The following ST8SIA1 variants were observed in gnomAD, a reference collection of about 807,000 sequenced individuals.
ST8SIA1 encodes the protein alpha-N-acetylneuraminide alpha-2,8-sialyltransferase.
Under a neutral mutation model 35.9 loss-of-function variants are expected in ST8SIA1, and 16 were observed. The observed-to-expected ratio is 0.45, with a 90% CI of 0.30 to 0.68. The LOEUF (loss-of-function observed/expected upper bound fraction) is 0.68. ST8SIA1 is among the 30% of genes least tolerant of loss of function. The pLI is 0.09. For missense variants in ST8SIA1, 383 were observed against 453.6 expected (o/e 0.84, Z 1.41); for synonymous variants, 170 against 169.6 (o/e 1.00, Z -0.02).
At chr12:22,324,289 A>C (rs1434423802) in intron 1 of ST8SIA1, 2 of 152,190 alleles carry the variant, frequency 1.3e-5, no homozygotes, top group African/African-American at 4.8e-5. Context: ...AAAGATTTTA[A>C]AAAAAGAACT....
chr12:22,332,143 A>G (rs1178413337), intron 1 of ST8SIA1, among the ~76,000 whole-genome samples: 1 of 152,180 alleles, frequency 6.6e-6, no homozygotes, highest in Non-Finnish European at 1.5e-5. Flanking sequence ...TGCCTTTTAC[A>G]TGGTTTTACA....
intron 1 of ST8SIA1, among the ~76,000 whole-genome samples, chr12:22,313,284 G>A (rs549825676): frequency 7.9e-5 from 12 of 152,134 alleles, no homozygotes; most frequent in Non-Finnish European, 1.3e-4. Context: ...GGCATTAGCA[G>A]CAGTAGTATT....
In ST8SIA1 at chr12:22,334,380, G is replaced by A. The variant is rs1357523794; in HGVS notation, c.-148C>T. On this transcript the variant is annotated 5_prime_UTR_variant, in exon 1 of 5. The change creates a new upstream start codon in the 5' untranslated region. Transcript: ENST00000396037. ...AACGCACGCACGCTTCTTCGGCCCC[G>A]TCGGCCCCAAAGGTCAGCGCAAGGA... 1.6e-5 allele frequency: 10 copies of A among 631,368 alleles called. No homozygotes were observed. The highest frequency in any genetic ancestry group is 7.4e-5 in the African/African-American group (4 of 54,316). The allele number at this position is 631,368 out of a possible 1,614,324, so 39.1% of individuals were successfully genotyped here. A position where few individuals can be genotyped will look rare whatever the true frequency, so the allele number is the denominator to read the frequency against.
chr12:22,201,573 G>T lies in ST8SIA1; in HGVS notation c.1050C>A (p.Thr350=). The T allele has an allele frequency of 6.2e-7, 1 of 1,611,070 alleles. No individual in the cohort carries two copies. Among genetic ancestry groups the T allele is most frequent in the Non-Finnish European group, 8.5e-7 (1 of 1,178,570 alleles). ...LRMQLDPCED[T]SLQPTS is the part of the protein sequence containing the mutation. Reference sequence around the variant, plus strand: ...GTTCCTAGGAAGTGGGCTGGAGTGAGGTATCTTCACATGGGTCCAGCTGCA... The same window carrying T: ...GTTCCTAGGAAGTGGGCTGGAGTGATGTATCTTCACATGGGTCCAGCTGCA... Residue 350 remains threonine (T), a synonymous_variant, in exon 5 of 5, where the codon ACC becomes ACA. Coordinates refer to ENST00000396037, the MANE Select transcript of ST8SIA1 (RefSeq NM_003034.4).
At chr12:22,228,322 T>G (rs1865380736) in intron 4 of ST8SIA1, among the ~76,000 whole-genome samples, 1 of 152,368 alleles carries the variant, frequency 6.6e-6, no homozygotes, top group Middle Eastern at 3.4e-3. Flanking sequence ...GTTTAGATTA[T>G]GACTCTCAAC....
At chr12:22,288,510 C>G (rs1866132609) in intron 1 of ST8SIA1, among the ~76,000 whole-genome samples, 1 of 152,200 alleles carries the variant, frequency 6.6e-6, no homozygotes, top group Non-Finnish European at 1.5e-5. Flanking sequence ...CAGGAATCAG[C>G]CTAGTCAGTA....
Position 22,193,703 on chromosome 12 carries a change from C to A in ST8SIA1, c.*7849G>T, listed in dbSNP as rs905781079. The A allele has an allele frequency of 1.3e-5, 2 of 152,168 alleles. No homozygotes were observed. The highest frequency in any genetic ancestry group is 2.4e-5 in the African/African-American group (1 of 41,448). The allele number at this position is 152,168 out of a possible 1,614,324, so 9.4% of individuals were successfully genotyped here. A position where few individuals can be genotyped will look rare whatever the true frequency, so the allele number is the denominator to read the frequency against. ...AACTCTACAAAAAGAATTGAGCACA[C>A]TGATTTTCTCCACACTTTTTGCCAA... On this transcript the variant is annotated 3_prime_UTR_variant, in exon 5 of 5. Coordinates refer to ENST00000396037, the MANE Select transcript of ST8SIA1 (RefSeq NM_003034.4).
intron 1 of ST8SIA1, among the ~76,000 whole-genome samples, chr12:22,288,474 T>C (rs1045954517): frequency 5.3e-5 from 8 of 152,210 alleles, no homozygotes; most frequent in African/African-American, 1.9e-4. Flanking sequence ...CTTCTTATTG[T>C]CACACCGTCC....
chr12:22,324,267 C>A (rs573737934), intron 1 of ST8SIA1: 5 of 151,694 alleles, frequency 3.3e-5, no homozygotes, highest in African/African-American at 1.2e-4. Flanking sequence ...ACTCAAGGAA[C>A]AAAAATTTTA....
Position 22,273,360 on chromosome 12 carries a change from C to A in ST8SIA1, c.381+13789G>T, listed in dbSNP as rs741370. On this transcript the variant is annotated intron_variant, in intron 2 of 4. Transcript: ENST00000396037. ...GCATCTTTGCTTTGACCTTTTTGCA[C>A]AGTCACAAATCAATCAATACAAGCT... Among the ~76,000 whole-genome samples, 57 of 152,206 alleles carry A rather than the reference C, an allele frequency of 3.7e-4. 2 individuals are homozygous for A. Among genetic ancestry groups the A allele is most frequent in the African/African-American group, 1.4e-3 (57 of 41,520 alleles).
At chr12:22,285,877 C>CAAAAAAAAAAAAAAAAAAAA (rs1398352110) in intron 2 of ST8SIA1, among the ~76,000 whole-genome samples, 2 of 103,624 alleles carry the variant, frequency 1.9e-5, no homozygotes, top group Admixed American at 1.1e-4. Context: ...CTGTCAAAAA[C>CAAAAAAAAAAAAAAAAAAAA]AAAAAAAAAA....
intron 2 of ST8SIA1, among the ~76,000 whole-genome samples, chr12:22,282,516 CCTT>C (rs1215323995): frequency 2.0e-4 from 30 of 152,290 alleles, no homozygotes; most frequent in Admixed American, 1.7e-3. Context: ...TCTGTTTACT[CCTT>C]CTTTTTGCTG....
chr12:22,212,007 G>A (rs1007173914), intron 4 of ST8SIA1, among the ~76,000 whole-genome samples: 1 of 152,030 alleles, frequency 6.6e-6, no homozygotes, highest in Admixed American at 6.6e-5. Flanking sequence ...CACTGCACCC[G>A]GCCCTAACTT....
intron 1 of ST8SIA1, among the ~76,000 whole-genome samples, chr12:22,311,150 G>A (rs942908353): frequency 6.6e-6 from 1 of 152,162 alleles, no homozygotes; most frequent in Admixed American, 6.5e-5. Context: ...ATTATGCACT[G>A]AGTGTGTGTC....
At chr12:22,287,324 A>G (rs759610813) in intron 1 of ST8SIA1, 31 bp from the exon 2 acceptor site, 2 of 1,600,860 alleles carry the variant, frequency 1.2e-6, no homozygotes, top group Non-Finnish European at 1.7e-6. Flanking sequence ...AGAGAAAAGA[A>G]CAGCAGGTTA....
intron 2 of ST8SIA1, among the ~76,000 whole-genome samples, chr12:22,285,800 G>C (rs531852424): frequency 6.8e-6 from 1 of 146,948 alleles, no homozygotes; most frequent in Non-Finnish European, 1.5e-5. Context: ...AACCTGAAAG[G>C]TGGAGGTTGC....
At position 22,255,315 on chromosome 12, in the gene ST8SIA1, A is replaced by G; in HGVS notation, c.456T>C (p.Cys152=). Residue 152 remains cysteine (C), a synonymous_variant, in exon 3 of 5, where the codon TGT becomes TGC. Transcript: ENST00000396037. The stretch of plus-strand genomic sequence containing the variant: ...AATTTGCTTCATCTATTTGACGGCC[A>G]CAGCCACTCTTCTTCAGAATCCCAC... ...GNGGILKKSG[C]GRQIDEANFV... The G allele has an allele frequency of 6.2e-7, 1 of 1,613,838 alleles. No homozygotes were observed. The highest frequency in any genetic ancestry group is 8.5e-7 in the Non-Finnish European group (1 of 1,180,002).
intron 2 of ST8SIA1, among the ~76,000 whole-genome samples, chr12:22,284,608 C>A (rs1007663805): frequency 2.6e-5 from 4 of 152,086 alleles, no homozygotes; most frequent in African/African-American, 9.7e-5. Flanking sequence ...CATACATATG[C>A]AATTAAAAAA....
Position 22,238,170 on chromosome 12 carries a change from C to CG in ST8SIA1, c.584+10835_584+10836insC, listed in dbSNP as rs1555156080. Among the ~76,000 whole-genome samples, 476 of 152,158 alleles carry CG rather than the reference C, an allele frequency of 3.1e-3. 2 individuals are homozygous for CG. The highest frequency in any genetic ancestry group is 0.011 in the African/African-American group (447 of 41,516). ...ATAATGTGACTTGAGAACTCCCCCC[C>CG]CAACAAGAGGTGGATCTGTGCTAGA... On this transcript the variant is annotated intron_variant, in intron 4 of 4. Coordinates refer to ENST00000396037, the MANE Select transcript of ST8SIA1 (RefSeq NM_003034.4).
Sources: allele counts gnomAD v4.1 joint callset (sites outside exome capture counted in the v4.1 genomes callset), GRCh38; gene constraint gnomAD v4.1.1; transcripts MANE v1.5; gene names NCBI Gene and HGNC (gene_info 2026-07-23, HGNC 2026-07-21).